Variants in GLYR1 observed in about 807,000 individuals in gnomAD.
GLYR1 encodes the protein glyoxylate reductase 1 homolog.
Under a neutral mutation model 72.7 loss-of-function variants are expected in GLYR1, and 21 were observed. The observed-to-expected ratio is 0.29, with a 90% CI of 0.20 to 0.42. GLYR1 has a LOEUF of 0.42. Ranked by LOEUF, GLYR1 falls within the 10% of genes least tolerant of loss-of-function variation. GLYR1 has a pLI of 1.00. For synonymous variants in GLYR1, 392 were observed against 270.2 expected, an observed-to-expected ratio of 1.45 and a Z score of -4.42; for missense variants, 594 against 712.1, an observed-to-expected ratio of 0.83 and a Z score of 1.89.
chr16:4,836,777 G>A (rs1596390917), intron 3 of GLYR1, among the ~76,000 whole-genome samples: 1 of 148,334 alleles, frequency 6.7e-6, no homozygotes, highest in African/African-American at 2.5e-5. Flanking sequence ...ATGTTGACAA[G>A]TTTTTGTTTT....
intron 3 of GLYR1, among the ~76,000 whole-genome samples, chr16:4,842,733 T>A (rs1332263358): frequency 6.6e-6 from 1 of 152,196 alleles, no homozygotes; most frequent in Non-Finnish European, 1.5e-5. Context: ...AGAGTCTCGC[T>A]CTGTCACCCA....
chr16:4,846,301 T>C (rs1313497023), intron 1 of GLYR1, 91 bp from the exon 2 acceptor site: 24 of 1,388,922 alleles, frequency 1.7e-5, no homozygotes, highest in Non-Finnish European at 2.3e-5. Context: ...TTCCTAAATC[T>C]CTGCTGGCAT....
At chr16:4,823,641 C>G (rs181701620) in intron 6 of GLYR1, among the ~76,000 whole-genome samples, 180 bp downstream of exon 6, 2 of 152,036 alleles carry the variant, frequency 1.3e-5, no homozygotes, top group African/African-American at 4.8e-5. Flanking sequence ...TCACCTCGAG[C>G]CTCACAGTGC....
At chr16:4,811,369 C>T in intron 14 of GLYR1, 75 bp from the exon 15 acceptor site, 2 of 1,584,400 alleles carry the variant, frequency 1.3e-6, no homozygotes, top group Non-Finnish European at 1.7e-6. Context: ...CACCAGGTGT[C>T]AGTACCTAAA....
chr16:4,812,696 T>C (rs1198229122), intron 12 of GLYR1, among the ~76,000 whole-genome samples: 1 of 151,472 alleles, frequency 6.6e-6, no homozygotes, highest in African/African-American at 2.4e-5. Context: ...TTTCACCATA[T>C]TAGCCAGGAT....
rs111581519 is a variant in GLYR1 at position 4,836,813 on chromosome 16, G to GAA, written c.156-3903_156-3902dup. On this transcript the variant is annotated intron_variant, in intron 3 of 15. Coordinates refer to ENST00000321919, the MANE Select transcript of GLYR1 (RefSeq NM_032569.4). The stretch of plus-strand genomic sequence containing the variant: ...TGAATGGTGAACACATATTATATTG[G>GAA]AAAAAAAAAAAAAAAACAAAACAAA... 1.8e-4 allele frequency among the ~76,000 whole-genome samples: 22 copies of GAA among 119,010 alleles called. No homozygotes were observed. In the South Asian group the frequency reaches 3.9e-3, roughly 21 times the overall value. 78.1% of individuals were successfully genotyped at this position (119,010 alleles called of 152,430 possible).
At chr16:4,814,996 G>A (rs12325592) in intron 10 of GLYR1, among the ~76,000 whole-genome samples, 9,145 of 152,320 alleles carry the variant, frequency 0.06, 253 homozygotes, top group African/African-American at 0.073. Flanking sequence ...TGCTGGGAAT[G>A]TGGGGATGTC....
At chr16:4,835,375 T>C (rs1467911989) in intron 3 of GLYR1, among the ~76,000 whole-genome samples, 2 of 152,084 alleles carry the variant, frequency 1.3e-5, no homozygotes, top group African/African-American at 2.4e-5. Context: ...TTTAAAGCAT[T>C]TGAGATACTA....
In GLYR1 at chr16:4,804,948, T is replaced by TGC. The variant is rs1344683407; in HGVS notation, c.*287_*288insGC. The TGC allele has an allele frequency of 2.0e-6, 1 of 496,970 alleles. No homozygotes were observed. Among genetic ancestry groups the TGC allele is most frequent in the African/African-American group, 2.0e-5 (1 of 48,934 alleles). 30.8% of individuals were successfully genotyped at this position (496,970 alleles called of 1,614,324 possible). A position where few individuals can be genotyped will look rare whatever the true frequency, so the allele number is the denominator to read the frequency against. On this transcript the variant is annotated 3_prime_UTR_variant, in exon 16 of 16. Coordinates refer to ENST00000321919, the MANE Select transcript of GLYR1 (RefSeq NM_032569.4). ...GGGCGAGAGCCTGTGTGTGTGTGTG[T>TGC]GTGTGTGTGTGTGTGTGTGTGTGAA...
chr16:4,830,308 C>T (rs1056899600), intron 5 of GLYR1, among the ~76,000 whole-genome samples: 1 of 151,682 alleles, frequency 6.6e-6, no homozygotes, highest in African/African-American at 2.4e-5. Flanking sequence ...GATCTTCCTG[C>T]CTCAGCCTCC....
intron 2 of GLYR1, among the ~76,000 whole-genome samples, chr16:4,845,519 C>T (rs1322116535): frequency 6.6e-6 from 1 of 152,008 alleles, no homozygotes; most frequent in Non-Finnish European, 1.5e-5. Context: ...CCAATGTGAC[C>T]CCATTATTAC....
In GLYR1 at chr16:4,805,071, GAAGGGT is replaced by G; in HGVS notation, c.*159_*164del. The G allele has an allele frequency of 1.6e-6, 1 of 643,656 alleles. No homozygotes were observed. The highest frequency in any genetic ancestry group is 2.8e-6 in the Non-Finnish European group (1 of 357,266). 39.9% of individuals were successfully genotyped at this position (643,656 alleles called of 1,614,324 possible). A position where few individuals can be genotyped will look rare whatever the true frequency, so the allele number is the denominator to read the frequency against. ...TGTCCCCTCCCCACCGGCCTCAGGG[GAAGGGT>G]GCTGCTGTGTGCTGTGCTGATGGCA... On this transcript the variant is annotated 3_prime_UTR_variant, in exon 16 of 16. Coordinates refer to ENST00000321919, the MANE Select transcript of GLYR1 (RefSeq NM_032569.4).
At chr16:4,819,454 G>A (rs2083872986) in intron 9 of GLYR1, among the ~76,000 whole-genome samples, 1 of 152,096 alleles carries the variant, frequency 6.6e-6, no homozygotes, top group Non-Finnish European at 1.5e-5. Flanking sequence ...GACTATAGGT[G>A]CATGCCACCA....
rs1000164195 is a variant in GLYR1 at position 4,843,504 on chromosome 16, A to C, written c.155+1570T>G. On this transcript the variant is annotated intron_variant, in intron 3 of 15. Coordinates refer to ENST00000321919, the MANE Select transcript of GLYR1 (RefSeq NM_032569.4). ...GTTCTAAGAACATTCCCTCTTCCAG[A>C]AGCTCTGGCTCCACAGCTCCAGGCC... 4 of 1,280,088 alleles carry C rather than the reference A, an allele frequency of 3.1e-6. No homozygotes were observed. The African/African-American group carries it at 6.1e-5, about 20-fold the overall frequency. The allele number at this position is 1,280,088 out of a possible 1,614,324, so 79.3% of individuals were successfully genotyped here. A position where few individuals can be genotyped will look rare whatever the true frequency, so the allele number is the denominator to read the frequency against.
At chr16:4,818,007 T>G in intron 9 of GLYR1, 1 of 277,780 alleles carries the variant, frequency 3.6e-6, no homozygotes, top group South Asian at 4.5e-5. Context: ...CTGCCCTTTT[T>G]TTTTTTTTTG....
Position 4,823,900 on chromosome 16 carries a change from G to C in GLYR1, c.545C>G (p.Thr182Ser), listed in dbSNP as rs1233921379. 1.2e-6 allele frequency: 2 copies of C among 1,613,906 alleles called. No individual in the cohort carries two copies. The highest frequency in any genetic ancestry group is 1.1e-5 in the South Asian group (1 of 91,066). ...GRPPKDEKDLTIPESSTVKGM... is the reference protein window; with the variant it reads ...GRPPKDEKDLSIPESSTVKGM... ...CTTCACGGTACTAGACTCCGGGATG[G>C]TGAGATCCTATAGAGGGAGGGGCAG... is the stretch of plus-strand genomic sequence containing the variant. The change falls in exon 6 of 16, where the codon ACC (threonine) becomes AGC (serine). Residue 182 changes from threonine (T) to serine (S), a missense_variant. Transcript: ENST00000321919.
chr16:4,805,442 G>T (rs1356688622), intron 15 of GLYR1, 132 bp from the exon 16 acceptor site: 1 of 739,086 alleles, frequency 1.4e-6, no homozygotes. Context: ...TAGGAATCCT[G>T]TGTTGACCTT....
intron 12 of GLYR1, 152 bp from the exon 13 acceptor site, chr16:4,812,400 C>G (rs1033571756): frequency 2.6e-6 from 2 of 756,300 alleles, no homozygotes; most frequent in Non-Finnish European, 4.2e-6. Context: ...TAGCTGACAC[C>G]TAAACTCAGG....
At chr16:4,811,964 G>C in intron 13 of GLYR1, 122 bp downstream of exon 13, 2 of 1,450,590 alleles carry the variant, frequency 1.4e-6, no homozygotes, top group Non-Finnish European at 1.9e-6. Context: ...GACTATGCAG[G>C]TGAAAGGAAA....
Sources: allele counts gnomAD v4.1 joint callset (sites outside exome capture counted in the v4.1 genomes callset), GRCh38; gene constraint gnomAD v4.1.1; transcripts MANE v1.5; gene names NCBI Gene and HGNC (gene_info 2026-07-23, HGNC 2026-07-21).